SULT4A1: variants seen among roughly 807,000 people sequenced by gnomAD.
SULT4A1 encodes the protein sulfotransferase 4A1.
Under a neutral mutation model 35.2 loss-of-function variants are expected in SULT4A1, and 11 were observed. The ratio of observed to expected loss-of-function variants is 0.31; its 90% CI spans 0.20 to 0.52. The LOEUF is 0.52. Among genes scored for constraint, SULT4A1 ranks in the 20% least tolerant of loss-of-function variants. The probability of loss-of-function intolerance (pLI) is 0.97; values close to 1 mark genes in which losing one functional copy is unlikely to be tolerated. For synonymous variants in SULT4A1, 152 were observed against 151.8 expected (o/e 1.00, Z -0.01); for missense variants, 271 against 383.7 (o/e 0.71, Z 2.45).
rs1007310608 is a variant in SULT4A1 at position 43,826,334 on chromosome 22, C to T, written c.743-221G>A. 2.3e-5 allele frequency: 23 copies of T among 985,430 alleles called. 1 individual carries two copies. The South Asian group carries it at 7.5e-4, about 32-fold the overall frequency. The allele number at this position is 985,430 out of a possible 1,614,324, so 61.0% of individuals were successfully genotyped here. ...GGCAGAACATGACCTGAACCAGCTT[C>T]CCTCTGAGGCTGTGGCACAGTGAGC... is the stretch of plus-strand genomic sequence containing the variant. On this transcript the variant is annotated intron_variant, in intron 6 of 6. Coordinates refer to ENST00000330884, the MANE Select transcript of SULT4A1 (RefSeq NM_014351.4).
Position 43,841,864 on chromosome 22 carries a change from T to C in SULT4A1, c.238A>G (p.Met80Val), listed in dbSNP as rs1307054107. The C allele has an allele frequency of 6.2e-7, 1 of 1,613,998 alleles. No homozygotes were observed. Residue 80 changes from methionine to valine, a missense_variant, in exon 2 of 7, where the codon ATG (methionine) becomes GTG (valine). This residue lies in a region of SULT4A1 where 164 missense variants were observed against 254.1 expected (regional missense o/e 0.65). Transcript: ENST00000330884. Reference sequence around the variant, plus strand: ...ACCGGGAGCTGCTCGTCGATGTTCATCAAGCCGATCTCATCGGGGTCAGCG... The same window carrying C: ...ACCGGGAGCTGCTCGTCGATGTTCACCAAGCCGATCTCATCGGGGTCAGCG... ...QGADPDEIGL[M>V]NIDEQLPVLE...
At chr22:43,843,316 A>G (rs138078) in intron 1 of SULT4A1, among the ~76,000 whole-genome samples, 35,759 of 152,172 alleles carry the variant, frequency 0.23, 4,424 homozygotes, top group African/African-American at 0.32. Flanking sequence ...CAGCTACTCA[A>G]GAGGCTTAGG....
At chr22:43,835,763 AAC>A (rs967824753) in intron 4 of SULT4A1, among the ~76,000 whole-genome samples, 4 of 152,220 alleles carry the variant, frequency 2.6e-5, no homozygotes, top group Non-Finnish European at 4.4e-5. Flanking sequence ...AGATGTCAAA[AAC>A]AGACATCCCG....
intron 6 of SULT4A1, chr22:43,826,417 T>C (rs2063287355): frequency 3.0e-6 from 3 of 985,230 alleles, no homozygotes; most frequent in Non-Finnish European, 3.6e-6. Context: ...AGGGAGACTC[T>C]ACTCCTGTTC....
chr22:43,855,983 G>C (rs2049397136), intron 1 of SULT4A1, among the ~76,000 whole-genome samples: 1 of 152,170 alleles, frequency 6.6e-6, no homozygotes, highest in Admixed American at 6.5e-5. Context: ...GCTGGTAAAA[G>C]CCAAGGGTGA....
intron 1 of SULT4A1, among the ~76,000 whole-genome samples, chr22:43,860,634 T>C (rs1305551715): frequency 6.6e-6 from 1 of 152,132 alleles, no homozygotes; most frequent in Non-Finnish European, 1.5e-5. Context: ...TAAGCACTGA[T>C]GCCTGCTACA....
At chr22:43,826,160 A>G (rs1205521872) in intron 6 of SULT4A1, 47 bp from the exon 7 acceptor site, 3 of 1,610,172 alleles carry the variant, frequency 1.9e-6, no homozygotes, top group African/African-American at 1.3e-5. Flanking sequence ...CTGTCCGGCC[A>G]GCTACTGAAC....
intron 1 of SULT4A1, among the ~76,000 whole-genome samples, chr22:43,843,518 A>T (rs559235620): frequency 6.6e-6 from 1 of 152,370 alleles, no homozygotes; most frequent in East Asian, 1.9e-4. Flanking sequence ...TCGCACAGGC[A>T]GGCCTTCCTG....
chr22:43,842,614 T>A (rs574589714), intron 1 of SULT4A1, among the ~76,000 whole-genome samples: 2 of 152,076 alleles, frequency 1.3e-5, no homozygotes. Flanking sequence ...AGACACAGCA[T>A]GGCCAAGCCC....
chr22:43,852,039 T>A (rs555689321), intron 1 of SULT4A1, among the ~76,000 whole-genome samples: 1 of 152,168 alleles, frequency 6.6e-6, no homozygotes, highest in Non-Finnish European at 1.5e-5. Context: ...ATTGTCACTT[T>A]AGTGAGGTTT....
chr22:43,851,630 A>G (rs1330422134), intron 1 of SULT4A1, among the ~76,000 whole-genome samples: 2 of 152,122 alleles, frequency 1.3e-5, no homozygotes, highest in African/African-American at 4.8e-5. Context: ...TGGAGACTGG[A>G]ACCAGGTCAC....
At chr22:43,842,522 T>G (rs2063441697) in intron 1 of SULT4A1, among the ~76,000 whole-genome samples, 1 of 152,190 alleles carries the variant, frequency 6.6e-6, no homozygotes, top group South Asian at 2.1e-4. Context: ...ACAGTCACCA[T>G]GGTGTACTAC....
chr22:43,841,623 G>A (rs1248916367), intron 2 of SULT4A1, among the ~76,000 whole-genome samples, 179 bp downstream of exon 2: 4 of 152,106 alleles, frequency 2.6e-5, no homozygotes, highest in East Asian at 3.9e-4. Context: ...TGTCACCCAC[G>A]CCCTCATCGG....
Position 43,825,051 on chromosome 22 carries a change from G to A in SULT4A1, c.*950C>T, listed in dbSNP as rs1016169222. 2 of 152,314 alleles carry A rather than the reference G, an allele frequency of 1.3e-5. No individual in the cohort carries two copies. Among genetic ancestry groups the A allele is most frequent in the Admixed American group, 6.5e-5 (1 of 15,304 alleles). The allele number at this position is 152,314 out of a possible 1,614,324, so 9.4% of individuals were successfully genotyped here. ...TACACTCGCAAAATGGTCCTCCCAC[G>A]GCTGAGCGCCTCAGGTGCACAGAAC... On this transcript the variant is annotated 3_prime_UTR_variant, in exon 7 of 7. Transcript: ENST00000330884.
intron 1 of SULT4A1, among the ~76,000 whole-genome samples, chr22:43,849,052 C>G (rs1194992395): frequency 6.6e-6 from 1 of 152,232 alleles, no homozygotes; most frequent in African/African-American, 2.4e-5. Flanking sequence ...CACAGTGACA[C>G]CTGGACTTGG....
Position 43,826,034 on chromosome 22 carries a change from T to C in SULT4A1, c.822A>G (p.Gly274=). Residue 274 remains glycine, a synonymous_variant, in exon 7 of 7, where the codon GGA becomes GGG. Transcript: ENST00000330884. The part of the protein sequence containing the change: ...KFDLVYKQKM[G]KCDLTFDFYL Reference sequence around the variant, plus strand: ...AAAAGTCAAACGTGAGGTCACACTTTCCCATCTTCTGTTTATACACCAAGT... The same window carrying C: ...AAAAGTCAAACGTGAGGTCACACTTCCCCATCTTCTGTTTATACACCAAGT... 1.2e-6 allele frequency: 2 copies of C among 1,614,196 alleles called. No homozygotes were observed. Among genetic ancestry groups the C allele is most frequent in the East Asian group, 4.5e-5 (2 of 44,884 alleles).
intron 1 of SULT4A1, among the ~76,000 whole-genome samples, chr22:43,859,512 C>T (rs2049441662): frequency 6.6e-6 from 1 of 152,262 alleles, no homozygotes; most frequent in Non-Finnish European, 1.5e-5. Flanking sequence ...TTCAAATCAA[C>T]CTGTTGACAA....
intron 1 of SULT4A1, among the ~76,000 whole-genome samples, chr22:43,860,332 G>C (rs1037828137): frequency 6.6e-6 from 1 of 151,806 alleles, no homozygotes. Context: ...GGGCCCTCTC[G>C]GCTTCCCCAG....
At position 43,825,895 on chromosome 22, in the gene SULT4A1, ACG is replaced by A; in HGVS notation, c.*104_*105del. The A allele has an allele frequency of 8.7e-7, 1 of 1,153,746 alleles. No homozygotes were observed. The highest frequency in any genetic ancestry group is 1.3e-6 in the Non-Finnish European group (1 of 797,464). 71.5% of individuals were successfully genotyped at this position (1,153,746 alleles called of 1,614,324 possible). ...CTCTTCCCTTCCCCCGCTGTTTCAC[ACG>A]CTGCTTCCAGAGTTTGTCCAGCAAG... On this transcript the variant is annotated 3_prime_UTR_variant, in exon 7 of 7. Transcript: ENST00000330884.
Sources: allele counts gnomAD v4.1 joint callset (sites outside exome capture counted in the v4.1 genomes callset), GRCh38; gene constraint gnomAD v4.1.1; regional missense constraint gnomAD v4.1.1; transcripts MANE v1.5; gene names NCBI Gene and HGNC (gene_info 2026-07-23, HGNC 2026-07-21).